ATP9B: variants seen among roughly 807,000 people sequenced by gnomAD.
ATP9B encodes the protein ATPase phospholipid transporting 9B.
A neutral mutation model predicts 146.1 loss-of-function variants in ATP9B; 110 were observed. The observed-to-expected ratio is 0.75, with a 90% CI of 0.65 to 0.88. The LOEUF (loss-of-function observed/expected upper bound fraction) is 0.88. Ranked by LOEUF, ATP9B falls within the 40% of genes least tolerant of loss-of-function variation. The probability of loss-of-function intolerance (pLI) is 0.00; values close to 1 mark genes in which losing one functional copy is unlikely to be tolerated. For missense variants in ATP9B, 1,499 were observed against 1,496.4 expected, an observed-to-expected ratio of 1.00 and a Z score of -0.03; for synonymous variants, 604 against 569.7, an observed-to-expected ratio of 1.06 and a Z score of -0.86.
rs368047667 is a variant in ATP9B, at chr18:79,205,364, C to T, written c.955-1573C>T. On this transcript the variant is annotated intron_variant, in intron 9 of 29. Coordinates refer to ENST00000426216, the MANE Select transcript of ATP9B (RefSeq NM_198531.5). The stretch of plus-strand genomic sequence containing the variant: ...AGCAAAACGGCCAAAATTACATCAT[C>T]TGAAAGTGGTTTGATAAGTAACTAG... Among the ~76,000 whole-genome samples, 362 of 152,328 alleles carry T rather than the reference C, an allele frequency of 2.4e-3. 2 individuals carry two copies. Among genetic ancestry groups the T allele is most frequent in the South Asian group, 6.4e-3 (31 of 4,824 alleles).
intron 12 of ATP9B, among the ~76,000 whole-genome samples, chr18:79,270,626 A>G (rs2096245299): frequency 6.6e-6 from 1 of 152,042 alleles, no homozygotes; most frequent in Admixed American, 6.6e-5. Flanking sequence ...TCCTTTTAAT[A>G]TGGAAATCTT....
chr18:79,338,383 G>A (rs1297028406), intron 19 of ATP9B, among the ~76,000 whole-genome samples: 9 of 152,136 alleles, frequency 5.9e-5, no homozygotes, highest in Admixed American at 5.9e-4. Context: ...CCTCTACCTT[G>A]GCTGTGTGGC....
At chr18:79,228,267 C>T (rs184317227) in intron 11 of ATP9B, among the ~76,000 whole-genome samples, 31 of 152,276 alleles carry the variant, frequency 2.0e-4, no homozygotes, top group African/African-American at 5.3e-4. Context: ...CTCCTCTGCC[C>T]GTAGAACAGA....
chr18:79,119,469 A>C (rs2094151515), intron 4 of ATP9B, among the ~76,000 whole-genome samples: 1 of 152,124 alleles, frequency 6.6e-6, no homozygotes, highest in Non-Finnish European at 1.5e-5. Context: ...GAAGTACTTT[A>C]TCATTTTTTG....
chr18:79,332,703 T>G (rs932740132), intron 17 of ATP9B: 1 of 152,170 alleles, frequency 6.6e-6, no homozygotes, highest in Admixed American at 6.5e-5. Context: ...TTCAAACCCA[T>G]GTTGTTTAAG....
At chr18:79,157,414 A>AAC (rs1277711593) in intron 7 of ATP9B, among the ~76,000 whole-genome samples, 3 of 145,232 alleles carry the variant, frequency 2.1e-5, no homozygotes, top group Admixed American at 2.0e-4. Flanking sequence ...AAAAAAAAAA[A>AAC]AAAAAAAAAA....
At chr18:79,126,233 T>C in intron 4 of ATP9B, 34 bp from the exon 5 acceptor site, 1 of 1,532,484 alleles carries the variant, frequency 6.5e-7, no homozygotes, top group Non-Finnish European at 8.9e-7. Context: ...TGTTAAAGTT[T>C]AGTTTTCTAA....
rs367815040 is a variant in ATP9B, at chr18:79,175,213, AG to A, written c.779-1599del. Among the ~76,000 whole-genome samples, 125 of 150,784 alleles carry A rather than the reference AG, an allele frequency of 8.3e-4. 1 individual carries two copies. The highest frequency in any genetic ancestry group is 2.9e-3 in the African/African-American group (120 of 40,886). ...AGACTGTCTCAAAAAAAAAAAAAAA[AG>A]AAAAAAAAAAACATCAAAACTTTTG... On this transcript the variant is annotated intron_variant, in intron 7 of 29. Coordinates refer to ENST00000426216, the MANE Select transcript of ATP9B (RefSeq NM_198531.5).
chr18:79,234,778 G>A (rs1481397317), intron 11 of ATP9B, among the ~76,000 whole-genome samples: 3 of 152,166 alleles, frequency 2.0e-5, no homozygotes, highest in African/African-American at 4.8e-5. Flanking sequence ...GATAATCAAC[G>A]GACGGTATTT....
At chr18:79,339,731 G>A (rs866960346) in intron 19 of ATP9B, among the ~76,000 whole-genome samples, 6 of 151,490 alleles carry the variant, frequency 4.0e-5, no homozygotes, top group Non-Finnish European at 7.4e-5. Flanking sequence ...TGTCATGATC[G>A]CAGTAGGAAG....
chr18:79,242,669 T>C (rs1009634693), intron 11 of ATP9B, among the ~76,000 whole-genome samples: 11 of 152,378 alleles, frequency 7.2e-5, no homozygotes, highest in African/African-American at 2.6e-4. Context: ...GCCATGCATT[T>C]CTTTATTTGG....
chr18:79,259,068 G>C lies in ATP9B; in HGVS notation c.1268+5527G>C, dbSNP rs2096113925. On this transcript the variant is annotated intron_variant, in intron 12 of 29. Transcript: ENST00000426216. ...TCTGTTGTCCTAACACTCTTAAAAG[G>C]CTTTTCAAATTTAAGAAAGTTAAGC... is the stretch of plus-strand genomic sequence containing the variant. Among the ~76,000 whole-genome samples, 4 of 152,196 alleles carry C rather than the reference G, an allele frequency of 2.6e-5. 1 individual carries two copies. The South Asian group carries it at 8.3e-4, about 32-fold the overall frequency.
intron 25 of ATP9B, chr18:79,353,949 G>C (rs967392304): frequency 6.6e-5 from 10 of 152,194 alleles, no homozygotes; most frequent in Admixed American, 6.5e-4. Flanking sequence ...TGAATTTCTG[G>C]ATAGAGTTCT....
chr18:79,264,838 G>A (rs1317615814), intron 12 of ATP9B, among the ~76,000 whole-genome samples: 2 of 152,130 alleles, frequency 1.3e-5, no homozygotes, highest in Non-Finnish European at 2.9e-5. Flanking sequence ...TTGGTTACCT[G>A]TTCTGTTCCC....
chr18:79,147,329 C>T (rs1449943358), intron 6 of ATP9B, among the ~76,000 whole-genome samples: 1 of 152,206 alleles, frequency 6.6e-6, no homozygotes, highest in Non-Finnish European at 1.5e-5. Flanking sequence ...GGAAGATTTG[C>T]ATAGGCAGCA....
At chr18:79,114,056 C>T (rs183015983) in intron 4 of ATP9B, among the ~76,000 whole-genome samples, 34 of 152,252 alleles carry the variant, frequency 2.2e-4, no homozygotes, top group Admixed American at 1.2e-3. Flanking sequence ...CTGCAACCTC[C>T]GCCTCCCGGG....
intron 8 of ATP9B, among the ~76,000 whole-genome samples, chr18:79,185,424 G>A (rs188978850): frequency 1.3e-4 from 20 of 152,044 alleles, no homozygotes; most frequent in African/African-American, 4.1e-4. Flanking sequence ...TAAATAATTC[G>A]TACAATGCAA....
intron 11 of ATP9B, among the ~76,000 whole-genome samples, chr18:79,242,409 T>A (rs1483086859): frequency 1.3e-5 from 2 of 152,192 alleles, no homozygotes; most frequent in African/African-American, 4.8e-5. Context: ...ACGAGAAAGA[T>A]GTGTATATCA....
chr18:79,191,888 A>T (rs2095370168), intron 8 of ATP9B, among the ~76,000 whole-genome samples: 1 of 152,128 alleles, frequency 6.6e-6, no homozygotes, highest in Non-Finnish European at 1.5e-5. Context: ...TCATTTTTTT[A>T]AATGATTCAT....
Sources: gnomAD v4.1 joint callset for allele counts (sites outside exome capture counted in the v4.1 genomes callset) on GRCh38, gnomAD v4.1.1 for gene constraint, MANE v1.5 for transcripts, NCBI Gene and HGNC (gene_info 2026-07-23, HGNC 2026-07-21) for gene names.